ABI1: variants seen among roughly 807,000 people sequenced by gnomAD.
ABI1 encodes the protein abl interactor 1, also known as Abelson interactor 1.
In ABI1, 14 loss-of-function variants were observed where a neutral mutation model predicts 54.6. The observed-to-expected ratio is 0.26, with a 90% CI of 0.17 to 0.40. ABI1 has a LOEUF of 0.40. Among genes scored for constraint, ABI1 ranks in the 10% least tolerant of loss-of-function variants. The pLI is 1.00. For synonymous variants in ABI1, 194 were observed against 209.3 expected (o/e 0.93, Z 0.63); for missense variants, 443 against 598.3 (o/e 0.74, Z 2.71).
chr10:26,834,277 T>A lies in ABI1; in HGVS notation c.118-10972A>T, dbSNP rs1183900830. Reference sequence around the variant, plus strand: ...ATTAATATACTGGAATATCATCTAGTCAATAAAAATGACAACCTCAAAAAG... The same window carrying A: ...ATTAATATACTGGAATATCATCTAGACAATAAAAATGACAACCTCAAAAAG... On this transcript the variant is annotated intron_variant, in intron 1 of 10. Coordinates refer to ENST00000376140, the MANE Select transcript of ABI1 (RefSeq NM_001012750.3). Among the ~76,000 whole-genome samples, 5 of 151,704 alleles carry A rather than the reference T, an allele frequency of 3.3e-5. No individual in the cohort carries two copies. The South Asian group carries it at 8.3e-4, about 25-fold the overall frequency.
chr10:26,834,186 C>T (rs1022188477), intron 1 of ABI1, among the ~76,000 whole-genome samples: 3 of 152,092 alleles, frequency 2.0e-5, no homozygotes, highest in Admixed American at 6.5e-5. Context: ...GCTGAGACCA[C>T]GCCACTGCAC....
intron 2 of ABI1, among the ~76,000 whole-genome samples, chr10:26,808,968 G>A (rs1263995809): frequency 1.3e-5 from 2 of 151,190 alleles, no homozygotes; most frequent in African/African-American, 4.9e-5. Flanking sequence ...GGCCAATAAG[G>A]ACATTTAAAA....
intron 1 of ABI1, among the ~76,000 whole-genome samples, chr10:26,857,378 T>C (rs1261843492): frequency 6.9e-6 from 1 of 145,642 alleles, no homozygotes; most frequent in Non-Finnish European, 1.5e-5. Flanking sequence ...CAGTGGCCTA[T>C]GTCTGTAATA....
chr10:26,827,863 G>T lies in ABI1; in HGVS notation c.118-4558C>A, dbSNP rs143606491. 5.5e-4 allele frequency among the ~76,000 whole-genome samples: 83 copies of T among 152,122 alleles called. 2 individuals carry two copies. The East Asian group carries it at 0.015, about 27-fold the overall frequency. On this transcript the variant is annotated intron_variant, in intron 1 of 10. Coordinates refer to ENST00000376140, the MANE Select transcript of ABI1 (RefSeq NM_001012750.3). Reference sequence around the variant, plus strand: ...CCACCTCAGCCTCCCAAAGTGCTGGGATTACAGGCGTGAGCCACCGCACCC... The same window carrying T: ...CCACCTCAGCCTCCCAAAGTGCTGGTATTACAGGCGTGAGCCACCGCACCC...
intron 8 of ABI1, 105 bp from the exon 9 acceptor site, chr10:26,755,846 C>T (rs1441605971): frequency 1.4e-6 from 1 of 694,258 alleles, no homozygotes; most frequent in Non-Finnish European, 2.3e-6. Context: ...CATAAGTATG[C>T]AAAGAACAGT....
Position 26,768,834 on chromosome 10 carries a change from C to T in ABI1, c.719+18G>A. The T allele has an allele frequency of 6.2e-7, 1 of 1,602,290 alleles. No homozygotes were observed. Among genetic ancestry groups the T allele is most frequent in the Non-Finnish European group, 8.5e-7 (1 of 1,174,380 alleles). On this transcript the variant is annotated intron_variant, in intron 6 of 10. Transcript: ENST00000376140. ...CACCCACTTTAGAGATGTTGAGATA[C>T]TCAACCTAAAGGCTTACCTGTGTGT...
At position 26,768,927 on chromosome 10, in the gene ABI1, G is replaced by A. The variant is rs767702914; in HGVS notation, c.644C>T (p.Thr215Ile). Residue 215 changes from threonine (T) to isoleucine (I), a missense_variant, in exon 6 of 11, where the codon ACC becomes ATC. Physicochemically the swap from Thr to Ile is moderately conservative, Grantham distance 89 (BLOSUM62 -1). Around this residue, in one of 2 missense-constraint regions of ABI1, gnomAD observed 394 missense variants for 484.8 expected, o/e 0.81. Transcript: ENST00000376140. ...KPPTVPNDYM[T>I]SPARLGSQHS... The stretch of plus-strand genomic sequence containing the variant: ...CTGACTTCCAAGCCTAGCAGGACTG[G>A]TCATATAGTCATTAGGAACTGTTGG... 2 of 1,613,376 alleles carry A rather than the reference G, an allele frequency of 1.2e-6. No homozygotes were observed. The highest frequency in any genetic ancestry group is 8.5e-7 in the Non-Finnish European group (1 of 1,179,450).
intron 2 of ABI1, among the ~76,000 whole-genome samples, chr10:26,816,277 G>A (rs1405830185): frequency 6.6e-6 from 1 of 152,166 alleles, no homozygotes; most frequent in Non-Finnish European, 1.5e-5. Context: ...ATGTAAATGG[G>A]ATTAAAACAG....
chr10:26,773,212 A>ATTTTTTTTTTTTTTTTTTTTTTTTTT (rs1342694391), intron 3 of ABI1, among the ~76,000 whole-genome samples: 6 of 63,346 alleles, frequency 9.5e-5, no homozygotes, highest in African/African-American at 2.4e-4. Context: ...TCTAATGCTA[A>ATTTTTTTTTTTTTTTTTTTTTTTTTT]TTCTTTTTTT....
At chr10:26,753,929 T>A (rs963394149) in intron 9 of ABI1, among the ~76,000 whole-genome samples, 5 of 152,188 alleles carry the variant, frequency 3.3e-5, no homozygotes, top group Non-Finnish European at 7.4e-5. Context: ...GATTTCTATA[T>A]AAAGAAAAGA....
intron 1 of ABI1, among the ~76,000 whole-genome samples, chr10:26,829,376 G>C (rs1484894170): frequency 6.6e-6 from 1 of 152,080 alleles, no homozygotes; most frequent in East Asian, 1.9e-4. Context: ...ACCTAAAACA[G>C]GCTGTGTATC....
intron 7 of ABI1, among the ~76,000 whole-genome samples, chr10:26,762,822 T>C (rs896300432): frequency 6.6e-6 from 1 of 152,206 alleles, no homozygotes; most frequent in Non-Finnish European, 1.5e-5. Flanking sequence ...AGGGTAAATA[T>C]GTAGAAATGA....
chr10:26,756,951 T>G (rs1442272856), intron 8 of ABI1, among the ~76,000 whole-genome samples: 2 of 152,116 alleles, frequency 1.3e-5, no homozygotes, highest in Non-Finnish European at 2.9e-5. Context: ...AAGATAACAT[T>G]CAATTCACTA....
At chr10:26,771,571 T>TA (rs1300166133) in intron 3 of ABI1, among the ~76,000 whole-genome samples, 2 of 152,152 alleles carry the variant, frequency 1.3e-5, no homozygotes, top group Non-Finnish European at 2.9e-5. Flanking sequence ...CTGCAAACAT[T>TA]AAAATTCAAA....
intron 2 of ABI1, among the ~76,000 whole-genome samples, chr10:26,812,774 C>T (rs555105109): frequency 5.9e-5 from 9 of 152,182 alleles, no homozygotes; most frequent in Admixed American, 5.9e-4. Context: ...ACCAGTCATA[C>T]TGGACTAGGG....
chr10:26,780,751 A>G (rs556575708), intron 2 of ABI1, among the ~76,000 whole-genome samples: 1 of 152,102 alleles, frequency 6.6e-6, no homozygotes, highest in African/African-American at 2.4e-5. Context: ...GAGAGCACAG[A>G]CTCAACATTT....
At chr10:26,840,104 T>C (rs1394578593) in intron 1 of ABI1, among the ~76,000 whole-genome samples, 2 of 152,186 alleles carry the variant, frequency 1.3e-5, no homozygotes, top group Non-Finnish European at 2.9e-5. Context: ...TAGATGTTTG[T>C]CCCCTCAAAC....
At chr10:26,806,017 T>C (rs2046852801) in intron 2 of ABI1, among the ~76,000 whole-genome samples, 1 of 152,230 alleles carries the variant, frequency 6.6e-6, no homozygotes, top group Non-Finnish European at 1.5e-5. Context: ...AAACCATGCA[T>C]GTCTTTCTCT....
intron 2 of ABI1, among the ~76,000 whole-genome samples, chr10:26,810,802 T>C (rs992476376): frequency 2.0e-5 from 3 of 149,590 alleles, no homozygotes; most frequent in East Asian, 1.9e-4. Flanking sequence ...GAGAGTTTAG[T>C]ACACCTGTTC....
Sources: allele counts gnomAD v4.1 joint callset (sites outside exome capture counted in the v4.1 genomes callset), GRCh38; gene constraint gnomAD v4.1.1; regional missense constraint gnomAD v4.1.1; transcripts MANE v1.5; gene names NCBI Gene and HGNC (gene_info 2026-07-23, HGNC 2026-07-21).